SDCCAG8: variants seen among roughly 807,000 people sequenced by gnomAD.
The protein encoded by SDCCAG8 is SHH signaling and ciliogenesis regulator SDCCAG8, also known as serologically defined colon cancer antigen 8.
SDCCAG8 carries 74 observed loss-of-function variants against 101.8 expected under a neutral mutation model. The ratio of observed to expected loss-of-function variants is 0.73; its 90% CI spans 0.60 to 0.88. The LOEUF (loss-of-function observed/expected upper bound fraction) is 0.88. SDCCAG8 is among the 40% of genes least tolerant of loss of function. The probability of loss-of-function intolerance (pLI) is 0.00; values close to 1 mark genes in which losing one functional copy is unlikely to be tolerated. For missense variants in SDCCAG8, 787 were observed against 822.6 expected (o/e 0.96, Z 0.53); for synonymous variants, 281 against 292.9 (o/e 0.96, Z 0.41).
chr1:243,321,708 G>T (rs2073772342), intron 9 of SDCCAG8, among the ~76,000 whole-genome samples: 1 of 152,062 alleles, frequency 6.6e-6, no homozygotes, highest in Admixed American at 6.6e-5. Context: ...GGAGTGCAGT[G>T]GTGTGATCTT....
intron 12 of SDCCAG8, among the ~76,000 whole-genome samples, chr1:243,365,184 C>T (rs575311745): frequency 5.3e-5 from 8 of 152,198 alleles, no homozygotes; most frequent in South Asian, 2.1e-4. Context: ...CTGGATCCCA[C>T]GTTCCCACCT....
chr1:243,365,596 T>C (rs1401650431), intron 12 of SDCCAG8, among the ~76,000 whole-genome samples: 3 of 152,164 alleles, frequency 2.0e-5, no homozygotes, highest in Non-Finnish European at 4.4e-5. Context: ...GTACACCATC[T>C]AAGAGACAAA....
At chr1:243,492,394 C>T (rs550789301) in intron 17 of SDCCAG8, among the ~76,000 whole-genome samples, 60 of 149,646 alleles carry the variant, frequency 4.0e-4, no homozygotes, top group Middle Eastern at 3.4e-3. Context: ...CTCCGCCTCC[C>T]GGCTTCAAGT....
chr1:243,284,298 A>G (rs1417904887), intron 4 of SDCCAG8, among the ~76,000 whole-genome samples: 1 of 152,218 alleles, frequency 6.6e-6, no homozygotes, highest in African/African-American at 2.4e-5. Flanking sequence ...GTCAGAGGCT[A>G]AAATTTCCTT....
intron 6 of SDCCAG8, 133 bp downstream of exon 6, chr1:243,293,352 A>G (rs1049602555): frequency 3.4e-6 from 3 of 881,864 alleles, no homozygotes; most frequent in Non-Finnish European, 5.5e-6. Flanking sequence ...GTTTATCTGC[A>G]TTAAGTACAT....
chr1:243,344,976 AC>A (rs2075615749), intron 12 of SDCCAG8, among the ~76,000 whole-genome samples: 1 of 152,124 alleles, frequency 6.6e-6, no homozygotes, highest in Non-Finnish European at 1.5e-5. Context: ...TAATAGGCTG[AC>A]TTTTGATTTT....
intron 17 of SDCCAG8, among the ~76,000 whole-genome samples, chr1:243,496,781 T>C (rs896218986): frequency 6.6e-6 from 1 of 152,206 alleles, no homozygotes; most frequent in African/African-American, 2.4e-5. Flanking sequence ...TTTCTTACAC[T>C]CAGAACTTAA....
intron 16 of SDCCAG8, among the ~76,000 whole-genome samples, chr1:243,484,851 C>T (rs1294604516): frequency 2.0e-5 from 3 of 152,148 alleles, no homozygotes; most frequent in Admixed American, 6.5e-5. Context: ...AGAGACCAGC[C>T]TGGCCAACAT....
chr1:243,439,898 C>T (rs988869611), intron 16 of SDCCAG8, among the ~76,000 whole-genome samples: 6 of 152,216 alleles, frequency 3.9e-5, no homozygotes, highest in African/African-American at 1.2e-4. Context: ...GTGTTTGTTA[C>T]ATCTAAGTCA....
chr1:243,318,565 G>T, intron 9 of SDCCAG8: 1 of 985,330 alleles, frequency 1.0e-6, no homozygotes, highest in Non-Finnish European at 1.2e-6. Context: ...GTCAGCCATT[G>T]CTATGTCCAT....
intron 16 of SDCCAG8, among the ~76,000 whole-genome samples, chr1:243,473,939 GC>G (rs1558517632): frequency 2.8e-5 from 2 of 72,366 alleles, no homozygotes; most frequent in African/African-American, 5.8e-5. Flanking sequence ...GGGGGGGGGG[GC>G]CGGGGGAGTA....
intron 12 of SDCCAG8, among the ~76,000 whole-genome samples, chr1:243,359,653 T>C (rs74950259): frequency 0.11 from 16,226 of 152,180 alleles, 940 homozygotes; most frequent in South Asian, 0.15. Context: ...GAAGTGGCTG[T>C]AAGGTCCTTA....
chr1:243,334,081 C>G (rs1004104225), intron 10 of SDCCAG8, among the ~76,000 whole-genome samples: 1 of 152,150 alleles, frequency 6.6e-6, no homozygotes, highest in Admixed American at 6.5e-5. Context: ...ACCCTTTTCT[C>G]CCCCGTCTTT....
intron 12 of SDCCAG8, among the ~76,000 whole-genome samples, chr1:243,355,198 G>T (rs1035677053): frequency 6.6e-6 from 1 of 152,092 alleles, no homozygotes; most frequent in Non-Finnish European, 1.5e-5. Flanking sequence ...AAAGCTGCAG[G>T]GTCTTTATTT....
At chr1:243,479,857 A>G (rs1394970327) in intron 16 of SDCCAG8, among the ~76,000 whole-genome samples, 1 of 152,094 alleles carries the variant, frequency 6.6e-6, no homozygotes, top group Non-Finnish European at 1.5e-5. Flanking sequence ...GTGAATTAGA[A>G]TGTACCAGTG....
chr1:243,353,541 G>T (rs2076222753), intron 12 of SDCCAG8, among the ~76,000 whole-genome samples: 1 of 127,102 alleles, frequency 7.9e-6, no homozygotes. Flanking sequence ...GCCCAGCACG[G>T]ATAGAAGAAG....
chr1:243,379,577 C>G (rs774247290), intron 13 of SDCCAG8, among the ~76,000 whole-genome samples: 1 of 152,126 alleles, frequency 6.6e-6, no homozygotes, highest in Non-Finnish European at 1.5e-5. Context: ...CATAAATACA[C>G]ACATGGAAAG....
In SDCCAG8 at chr1:243,268,031, AATCT is replaced by A. The variant is rs1328502623; in HGVS notation, c.68-2070_68-2067del. 1.9e-5 allele frequency: 15 copies of A among 776,502 alleles called. No homozygotes were observed. The East Asian group carries it at 3.6e-4, about 19-fold the overall frequency. 48.1% of individuals were successfully genotyped at this position (776,502 alleles called of 1,614,324 possible). A position where few individuals can be genotyped will look rare whatever the true frequency, so the allele number is the denominator to read the frequency against. ...CTTCTTTTCTTTCTCTTTAGGTTTTAATCTATCCTTTTCTTTAAGCCTCTGATCT... is the reference window on the plus strand; with the variant it reads ...CTTCTTTTCTTTCTCTTTAGGTTTTAATCCTTTTCTTTAAGCCTCTGATCT... On this transcript the variant is annotated intron_variant, in intron 1 of 17. Coordinates refer to ENST00000366541, the MANE Select transcript of SDCCAG8 (RefSeq NM_006642.5).
intron 16 of SDCCAG8, among the ~76,000 whole-genome samples, chr1:243,439,117 G>A (rs1372212402): frequency 6.6e-6 from 1 of 152,118 alleles, no homozygotes; most frequent in Non-Finnish European, 1.5e-5. Flanking sequence ...GTGATAATGT[G>A]TTACAATACT....
Sources: allele counts gnomAD v4.1 joint callset (sites outside exome capture counted in the v4.1 genomes callset), GRCh38; gene constraint gnomAD v4.1.1; transcripts MANE v1.5; gene names NCBI Gene and HGNC (gene_info 2026-07-23, HGNC 2026-07-21).